The following SOS2 variants were observed in gnomAD, a reference collection of about 807,000 sequenced individuals.
SOS2 encodes the protein SOS Ras/Rho guanine nucleotide exchange factor 2.
In SOS2, 65 loss-of-function variants were observed where a neutral mutation model predicts 148.2. The ratio of observed to expected loss-of-function variants is 0.44; its 90% CI spans 0.36 to 0.54. The LOEUF (loss-of-function observed/expected upper bound fraction) is 0.54. SOS2 is among the 20% of genes least tolerant of loss of function. The pLI, the probability that SOS2 is intolerant of heterozygous loss-of-function variation, is 0.00. For missense variants in SOS2, 1,341 were observed against 1,590.2 expected, an observed-to-expected ratio of 0.84 and a Z score of 2.67; for synonymous variants, 539 against 537.1, an observed-to-expected ratio of 1.00 and a Z score of -0.05.
rs1884894968 is a variant in SOS2, at chr14:50,158,662, A to G, written c.1853-16T>C. 3 of 1,526,060 alleles carry G rather than the reference A, an allele frequency of 2.0e-6. No individual in the cohort carries two copies. Among genetic ancestry groups the G allele is most frequent in the East Asian group, 2.3e-5 (1 of 43,936 alleles). The allele number at this position is 1,526,060 out of a possible 1,614,324, so 94.5% of individuals were successfully genotyped here. A position where few individuals can be genotyped will look rare whatever the true frequency, so the allele number is the denominator to read the frequency against. ...AAATTGGGATCTGAAAAGGCAGAGC[A>G]TAAAATAGGTTTCATGTTTAATGTA... On this transcript the variant is annotated splice_polypyrimidine_tract_variant and intron_variant, in intron 10 of 22. Transcript: ENST00000216373.
chr14:50,224,897 A>AAG (rs1566488247), intron 1 of SOS2, among the ~76,000 whole-genome samples: 5 of 150,882 alleles, frequency 3.3e-5, no homozygotes, highest in South Asian at 2.1e-4. Context: ...AAAAAAAAAA[A>AAG]AGAGAGAGAG....
intron 16 of SOS2, among the ~76,000 whole-genome samples, chr14:50,144,008 G>A (rs1283289067): frequency 6.6e-6 from 1 of 151,866 alleles, no homozygotes; most frequent in African/African-American, 2.4e-5. Context: ...ATCGTATCCT[G>A]CTACGAAACA....
intron 18 of SOS2, among the ~76,000 whole-genome samples, chr14:50,135,642 C>CTTTTTTTTTTT (rs56043962): frequency 1.2e-4 from 10 of 82,568 alleles, no homozygotes; most frequent in East Asian, 3.7e-4. Context: ...ATGTGGTTTG[C>CTTTTTTTTTTT]TTTTTTTTTT....
chr14:50,182,376 C>T (rs977481426), intron 6 of SOS2, 87 bp downstream of exon 6: 9 of 1,180,138 alleles, frequency 7.6e-6, no homozygotes, highest in Non-Finnish European at 1.1e-5. Context: ...GAAACGGGGT[C>T]TCACTATGTT....
At chr14:50,163,510 T>A (rs1050098727) in intron 8 of SOS2, among the ~76,000 whole-genome samples, 1 of 152,172 alleles carries the variant, frequency 6.6e-6, no homozygotes, top group Non-Finnish European at 1.5e-5. Flanking sequence ...CATCAAGAGA[T>A]TAGCAACATA....
chr14:50,231,163 G>A (rs1313790599), intron 1 of SOS2, 34 bp downstream of exon 1: 36 of 1,291,870 alleles, frequency 2.8e-5, no homozygotes, highest in Non-Finnish European at 3.5e-5. Flanking sequence ...GGGGCCACGG[G>A]CCACCCGCCG....
intron 1 of SOS2, among the ~76,000 whole-genome samples, chr14:50,219,368 C>T (rs7159295): frequency 0.9 from 137,551 of 152,266 alleles, 62,308 homozygotes; most frequent in African/African-American, 0.96. Flanking sequence ...ACTATTGATA[C>T]ATGCAACATA....
chr14:50,168,208 T>C (rs1314204573), intron 8 of SOS2, among the ~76,000 whole-genome samples: 1 of 152,122 alleles, frequency 6.6e-6, no homozygotes, highest in African/African-American at 2.4e-5. Flanking sequence ...AACATGTCCT[T>C]AGTAAAAAAG....
chr14:50,138,262 T>C (rs1884150649), intron 18 of SOS2, among the ~76,000 whole-genome samples: 1 of 152,064 alleles, frequency 6.6e-6, no homozygotes, highest in South Asian at 2.1e-4. Context: ...GCTCAAGTGA[T>C]TCTCCCACCT....
intron 3 of SOS2, 146 bp downstream of exon 3, chr14:50,200,807 T>C (rs1328715263): frequency 3.3e-6 from 2 of 614,050 alleles, no homozygotes; most frequent in Admixed American, 2.5e-5. Flanking sequence ...TATTAATATA[T>C]GCGATGTGTA....
At chr14:50,189,874 A>G (rs1168239561) in intron 4 of SOS2, among the ~76,000 whole-genome samples, 1 of 149,088 alleles carries the variant, frequency 6.7e-6, no homozygotes, top group South Asian at 2.1e-4. Flanking sequence ...TGTGAGACAC[A>G]GTCTTGCTCT....
At chr14:50,187,492 C>T (rs1006452448) in intron 5 of SOS2, among the ~76,000 whole-genome samples, 3 of 151,764 alleles carry the variant, frequency 2.0e-5, no homozygotes, top group African/African-American at 4.8e-5. Context: ...GGACTACAGG[C>T]GCCCACCACT....
Position 50,204,376 on chromosome 14 carries a change from T to C in SOS2, c.121A>G (p.Asn41Asp), listed in dbSNP as rs575983927. The part of the protein sequence containing the change: ...QEQVHPTLSA[N>D]EESLYYIEEL... ...TCAATATAATAGAGAGACTCTTCAT[T>C]AGCTGAGAGAGTGGGATGCACTTGT... The change falls in exon 2 of 23, where the codon AAT (asparagine) becomes GAT (aspartate). Residue 41 changes from asparagine (N) to aspartate (D), a missense_variant. Physicochemically the swap from Asn to Asp is conservative, Grantham distance 23. Around this residue, in one of 4 missense-constraint regions of SOS2, gnomAD observed 574 missense variants for 711.1 expected, o/e 0.81. Transcript: ENST00000216373. 14 of 1,584,308 alleles carry C rather than the reference T, an allele frequency of 8.8e-6. No homozygotes were observed. The African/African-American group carries it at 1.8e-4, about 20-fold the overall frequency.
At chr14:50,218,218 GAA>G (rs35149667) in intron 1 of SOS2, among the ~76,000 whole-genome samples, 27,467 of 95,452 alleles carry the variant, frequency 0.29, 3,558 homozygotes, top group Admixed American at 0.37. Flanking sequence ...TCGATAAAAG[GAA>G]AAAAAAAAAA....
At chr14:50,208,044 C>T (rs1400806598) in intron 1 of SOS2, among the ~76,000 whole-genome samples, 1 of 152,004 alleles carries the variant, frequency 6.6e-6, no homozygotes, top group African/African-American at 2.4e-5. Context: ...ACCTATAATC[C>T]CAGCACTTTA....
chr14:50,178,869 G>A (rs1594997981), intron 7 of SOS2, among the ~76,000 whole-genome samples: 1 of 151,974 alleles, frequency 6.6e-6, no homozygotes, highest in East Asian at 1.9e-4. Context: ...GAGTAGCTGG[G>A]ATTACAGGTG....
chr14:50,127,741 T>C (rs1020739035), intron 21 of SOS2, among the ~76,000 whole-genome samples: 21 of 152,234 alleles, frequency 1.4e-4, no homozygotes, highest in Non-Finnish European at 2.4e-4. Context: ...TGTAGGATCA[T>C]TGAGAGAAAG....
At chr14:50,161,668 C>T in intron 8 of SOS2, 59 bp from the exon 9 acceptor site, 1 of 1,512,870 alleles carries the variant, frequency 6.6e-7, no homozygotes, top group Non-Finnish European at 9.0e-7. Context: ...CCCCAACTTT[C>T]TAGTAATAGA....
At chr14:50,215,582 A>G in intron 1 of SOS2, 2 of 742,014 alleles carry the variant, frequency 2.7e-6, no homozygotes, top group African/African-American at 1.9e-5. Context: ...GTTACACCAT[A>G]TTTTCAAATT....
Sources: gnomAD v4.1 joint callset for allele counts (sites outside exome capture counted in the v4.1 genomes callset) on GRCh38, gnomAD v4.1.1 for gene constraint, gnomAD v4.1.1 regional missense constraint, MANE v1.5 for transcripts, NCBI Gene and HGNC (gene_info 2026-07-23, HGNC 2026-07-21) for gene names.